Variants in MOB3B observed in about 807,000 individuals in gnomAD.
MOB3B encodes MOB kinase activator 3B.
Under a neutral mutation model 18.7 loss-of-function variants are expected in MOB3B, and 7 were observed. That is an observed-to-expected ratio of 0.37 (90% CI 0.21 to 0.70). The LOEUF (loss-of-function observed/expected upper bound fraction) is 0.70. Among genes scored for constraint, MOB3B ranks in the 30% least tolerant of loss-of-function variants. The pLI, the probability that MOB3B is intolerant of heterozygous loss-of-function variation, is 0.52. For missense variants in MOB3B, 253 were observed against 281.3 expected, an observed-to-expected ratio of 0.90 and a Z score of 0.72; for synonymous variants, 111 against 99.9, an observed-to-expected ratio of 1.11 and a Z score of -0.66.
chr9:27,488,116 C>G (rs1819758797), intron 1 of MOB3B, among the ~76,000 whole-genome samples: 1 of 152,194 alleles, frequency 6.6e-6, no homozygotes, highest in Admixed American at 6.5e-5. Flanking sequence ...TACTACATTT[C>G]TCTGTGTTTC....
chr9:27,395,592 G>A (rs998007354), intron 2 of MOB3B, among the ~76,000 whole-genome samples: 18 of 152,204 alleles, frequency 1.2e-4, no homozygotes, highest in Admixed American at 1.2e-3. Context: ...CATCAACAGG[G>A]AGCGAATGTG....
intron 1 of MOB3B, among the ~76,000 whole-genome samples, chr9:27,512,487 A>G (rs985218978): frequency 5.3e-5 from 8 of 152,228 alleles, no homozygotes; most frequent in Non-Finnish European, 1.0e-4. Context: ...TTTAATAAAA[A>G]TATTGCTGAA....
At chr9:27,414,880 T>G (rs1194936142) in intron 2 of MOB3B, among the ~76,000 whole-genome samples, 2 of 152,144 alleles carry the variant, frequency 1.3e-5, no homozygotes, top group Non-Finnish European at 2.9e-5. Context: ...TTTTTAATTT[T>G]TTTTTTTGAG....
At chr9:27,415,282 G>A (rs1028495812) in intron 2 of MOB3B, among the ~76,000 whole-genome samples, 1 of 152,132 alleles carries the variant, frequency 6.6e-6, no homozygotes, top group African/African-American at 2.4e-5. Flanking sequence ...AAAGTGAAAT[G>A]GTACTGTTTG....
chr9:27,478,315 C>CA (rs1819586790), intron 1 of MOB3B, among the ~76,000 whole-genome samples: 1 of 152,062 alleles, frequency 6.6e-6, no homozygotes, highest in Non-Finnish European at 1.5e-5. Context: ...GCCACGTACA[C>CA]AATGAGCAGA....
At chr9:27,441,973 C>T (rs1024965453) in intron 2 of MOB3B, among the ~76,000 whole-genome samples, 4 of 152,046 alleles carry the variant, frequency 2.6e-5, no homozygotes, top group Non-Finnish European at 5.9e-5. Flanking sequence ...AATGCAGAAG[C>T]GGATATGAGT....
chr9:27,453,783 T>C (rs1354317000), intron 2 of MOB3B, among the ~76,000 whole-genome samples: 3 of 152,174 alleles, frequency 2.0e-5, no homozygotes, highest in African/African-American at 7.2e-5. Context: ...TGGCAGTTGC[T>C]AGTAAGGCTT....
intron 1 of MOB3B, among the ~76,000 whole-genome samples, chr9:27,494,928 G>A (rs947526468): frequency 3.3e-5 from 5 of 152,312 alleles, no homozygotes; most frequent in Middle Eastern, 3.4e-3. Context: ...TGATTCAACA[G>A]GTCTGGTTCA....
chr9:27,357,642 G>C (rs1377061157), intron 3 of MOB3B, among the ~76,000 whole-genome samples: 1 of 151,870 alleles, frequency 6.6e-6, no homozygotes, highest in African/African-American at 2.4e-5. Flanking sequence ...GACTAACCTG[G>C]GGCTTTCCCA....
At chr9:27,508,761 AAAC>A (rs980255128) in intron 1 of MOB3B, among the ~76,000 whole-genome samples, 23 of 152,324 alleles carry the variant, frequency 1.5e-4, no homozygotes, top group African/African-American at 5.3e-4. Flanking sequence ...GTAGACAGAG[AAAC>A]AACATTAATG....
At chr9:27,361,337 C>G (rs1686341213) in intron 2 of MOB3B, among the ~76,000 whole-genome samples, 1 of 152,062 alleles carries the variant, frequency 6.6e-6, no homozygotes, top group South Asian at 2.1e-4. Flanking sequence ...AGAGGAACCA[C>G]TCGATTGTCA....
In MOB3B at chr9:27,455,715, T is replaced by C. The variant is rs777212799; in HGVS notation, c.-165A>G. ...CTAAACAGCCCCTTCCATCTTCCTC[T>C]TGAATGATTTCCAAGGGAACCTCAT... is the stretch of plus-strand genomic sequence containing the variant. On this transcript the variant is annotated 5_prime_UTR_variant, in exon 2 of 4. Coordinates refer to ENST00000262244, the MANE Select transcript of MOB3B (RefSeq NM_024761.5). 21 of 1,463,770 alleles carry C rather than the reference T, an allele frequency of 1.4e-5. No individual in the cohort carries two copies. The highest frequency in any genetic ancestry group is 1.8e-5 in the Non-Finnish European group (20 of 1,116,692). 90.7% of individuals were successfully genotyped at this position (1,463,770 alleles called of 1,614,324 possible).
At chr9:27,435,403 A>T (rs1471976667) in intron 2 of MOB3B, among the ~76,000 whole-genome samples, 2 of 152,024 alleles carry the variant, frequency 1.3e-5, no homozygotes, top group African/African-American at 4.8e-5. Flanking sequence ...AGGAAGTTCC[A>T]TTTAAGAGCT....
chr9:27,506,720 C>T (rs1297055020), intron 1 of MOB3B, among the ~76,000 whole-genome samples: 3 of 151,826 alleles, frequency 2.0e-5, no homozygotes, highest in East Asian at 1.9e-4. Context: ...TTAGTAGAGA[C>T]GGGGTTTCAC....
At chr9:27,341,889 A>G (rs1336695443) in intron 3 of MOB3B, among the ~76,000 whole-genome samples, 1 of 152,260 alleles carries the variant, frequency 6.6e-6, no homozygotes, top group East Asian at 1.9e-4. Flanking sequence ...ATCAGGGACC[A>G]GAAAATGACA....
chr9:27,408,227 G>A (rs1164836185), intron 2 of MOB3B, among the ~76,000 whole-genome samples: 1 of 152,190 alleles, frequency 6.6e-6, no homozygotes. Context: ...TCAGCTACTG[G>A]AAGGATGCAT....
intron 2 of MOB3B, among the ~76,000 whole-genome samples, chr9:27,437,622 C>A (rs1822530903): frequency 6.6e-6 from 1 of 152,318 alleles, no homozygotes; most frequent in African/African-American, 2.4e-5. Flanking sequence ...TCAACTGCTA[C>A]AAAGTGTGCA....
intron 1 of MOB3B, among the ~76,000 whole-genome samples, chr9:27,494,318 C>G (rs1392478551): frequency 1.3e-5 from 2 of 152,154 alleles, no homozygotes; most frequent in Non-Finnish European, 2.9e-5. Context: ...TTGTAAAGTA[C>G]TTGATGTCTG....
At chr9:27,529,108 G>A (rs867481663) in intron 1 of MOB3B, among the ~76,000 whole-genome samples, 3 of 152,186 alleles carry the variant, frequency 2.0e-5, no homozygotes, top group Non-Finnish European at 4.4e-5. Context: ...GGATCAGGAC[G>A]CCCAAGCGTT....
Sources: gnomAD v4.1 joint callset for allele counts (sites outside exome capture counted in the v4.1 genomes callset) on GRCh38, gnomAD v4.1.1 for gene constraint, MANE v1.5 for transcripts, NCBI Gene and HGNC (gene_info 2026-07-23, HGNC 2026-07-21) for gene names.